RAP1GDS1: variants seen among roughly 807,000 people sequenced by gnomAD.
RAP1GDS1 encodes the protein RAP1, GTP-GDP dissociation stimulator 1.
RAP1GDS1 carries 35 observed loss-of-function variants against 71.1 expected under a neutral mutation model. The observed-to-expected ratio is 0.49, with a 90% confidence interval of 0.38 to 0.65. The LOEUF is 0.65. RAP1GDS1 is among the 30% of genes least tolerant of loss of function. The pLI, the probability that RAP1GDS1 is intolerant of heterozygous loss-of-function variation, is 0.00. For synonymous variants in RAP1GDS1, 229 were observed against 243.1 expected (o/e 0.94, Z 0.54); for missense variants, 663 against 706.1 (o/e 0.94, Z 0.69).
intron 5 of RAP1GDS1, among the ~76,000 whole-genome samples, chr4:98,384,354 GT>G (rs1742429232): frequency 6.6e-6 from 1 of 151,490 alleles, no homozygotes; most frequent in Non-Finnish European, 1.5e-5. Context: ...ACTAACTGTT[GT>G]TCTTTATTTA....
chr4:98,427,373 G>A (rs1273724887), intron 12 of RAP1GDS1, among the ~76,000 whole-genome samples: 1 of 152,100 alleles, frequency 6.6e-6, no homozygotes, highest in Non-Finnish European at 1.5e-5. Flanking sequence ...AGAGCAATCA[G>A]ACAAGAGAAA....
intron 7 of RAP1GDS1, among the ~76,000 whole-genome samples, chr4:98,412,942 G>GT (rs1747287140): frequency 6.6e-6 from 1 of 152,062 alleles, no homozygotes; most frequent in Admixed American, 6.6e-5. Context: ...CAAGGCAAAG[G>GT]GCAAAATTAG....
chr4:98,358,870 G>C (rs930666190), intron 4 of RAP1GDS1, among the ~76,000 whole-genome samples: 1 of 151,724 alleles, frequency 6.6e-6, no homozygotes, highest in Non-Finnish European at 1.5e-5. Context: ...TGGATAAAGG[G>C]TACATGAGAC....
At chr4:98,295,528 T>C (rs1727615918) in intron 2 of RAP1GDS1, among the ~76,000 whole-genome samples, 1 of 152,060 alleles carries the variant, frequency 6.6e-6, no homozygotes. Flanking sequence ...ATCTAATCTT[T>C]CCTATAGTCC....
At chr4:98,381,936 A>C (rs569698825) in intron 5 of RAP1GDS1, among the ~76,000 whole-genome samples, 1 of 151,688 alleles carries the variant, frequency 6.6e-6, no homozygotes, top group South Asian at 2.1e-4. Context: ...TGAAACTTAG[A>C]ATGTCTTGAT....
At chr4:98,384,379 T>C (rs1330433470) in intron 5 of RAP1GDS1, among the ~76,000 whole-genome samples, 1 of 151,670 alleles carries the variant, frequency 6.6e-6, no homozygotes, top group African/African-American at 2.4e-5. Flanking sequence ...TTGTTCTCTT[T>C]TTTAAAAATT....
chr4:98,377,435 T>C (rs1741324146), intron 4 of RAP1GDS1, among the ~76,000 whole-genome samples: 3 of 151,912 alleles, frequency 2.0e-5, no homozygotes, highest in African/African-American at 7.2e-5. Context: ...GGCTGGTTCA[T>C]CTAGCTAGTT....
chr4:98,296,628 TC>T (rs1727797660), intron 2 of RAP1GDS1, among the ~76,000 whole-genome samples: 1 of 152,160 alleles, frequency 6.6e-6, no homozygotes, highest in Admixed American at 6.5e-5. Flanking sequence ...AGCCAAGAAA[TC>T]AGCTTCTGTT....
intron 4 of RAP1GDS1, among the ~76,000 whole-genome samples, chr4:98,371,077 G>C (rs1034676138): frequency 6.7e-6 from 1 of 149,130 alleles, no homozygotes; most frequent in Non-Finnish European, 1.5e-5. Flanking sequence ...CTGAAGCTCT[G>C]TTTGTAGGCA....
chr4:98,392,103 AAATGT>A, intron 6 of RAP1GDS1, 23 bp downstream of exon 6: 1 of 1,591,176 alleles, frequency 6.3e-7, no homozygotes, highest in South Asian at 1.1e-5. Context: ...CATGAACCAC[AAATGT>A]AATTAACTTA....
At chr4:98,429,387 G>A (rs10003618) in intron 12 of RAP1GDS1, among the ~76,000 whole-genome samples, 22,065 of 152,080 alleles carry the variant, frequency 0.15, 2,359 homozygotes, top group African/African-American at 0.3. Context: ...CTATTATTCT[G>A]ACTCAGGGGT....
chr4:98,331,775 C>A (rs770094385), intron 2 of RAP1GDS1, among the ~76,000 whole-genome samples: 1 of 152,052 alleles, frequency 6.6e-6, no homozygotes, highest in African/African-American at 2.4e-5. Context: ...AATTCTAGGT[C>A]AAAAAATCTT....
At chr4:98,417,221 A>G (rs1578810661) in intron 8 of RAP1GDS1, 146 bp from the exon 9 acceptor site, 2 of 887,366 alleles carry the variant, frequency 2.3e-6, no homozygotes, top group Non-Finnish European at 3.4e-6. Context: ...TTAAATGTTT[A>G]TTATAAAAAG....
At chr4:98,396,911 TTG>T (rs1417744162) in intron 6 of RAP1GDS1, 2 of 152,166 alleles carry the variant, frequency 1.3e-5, no homozygotes, top group African/African-American at 4.8e-5. Context: ...AATAACAAAT[TTG>T]TGTATTTTTG....
chr4:98,439,277 A>C (rs186749548), intron 14 of RAP1GDS1, among the ~76,000 whole-genome samples: 70 of 152,288 alleles, frequency 4.6e-4, no homozygotes, highest in African/African-American at 1.6e-3. Flanking sequence ...GTTTCTGATG[A>C]GAAATCCATT....
At chr4:98,267,999 A>G (rs1176176011) in intron 1 of RAP1GDS1, among the ~76,000 whole-genome samples, 3 of 152,136 alleles carry the variant, frequency 2.0e-5, no homozygotes, top group Admixed American at 1.3e-4. Flanking sequence ...CCACAGCCTT[A>G]CAGCATCTGT....
chr4:98,339,824 G>A (rs1735229081), intron 2 of RAP1GDS1, among the ~76,000 whole-genome samples: 1 of 152,216 alleles, frequency 6.6e-6, no homozygotes, highest in Admixed American at 6.5e-5. Flanking sequence ...AGGTGGTGGT[G>A]AGGTTGCAGA....
chr4:98,443,018 T>TTTTTTTTTTTTTTTTTTTTTTC lies in RAP1GDS1; in HGVS notation c.*921_*922insTCTTTTTTTTTTTTTTTTTTTT, dbSNP rs1752075860. ...GTATAGTTCATTGAAGAATGGAATTTTTTTTTTTTTTTTTTTTTTTGCTGT... is the reference window on the plus strand; with the variant it reads ...GTATAGTTCATTGAAGAATGGAATTTTTTTTTTTTTTTTTTTTTTTTCTTTTTTTTTTTTTTTTTTTTGCTGT... On this transcript the variant is annotated 3_prime_UTR_variant, in exon 15 of 15. Coordinates refer to ENST00000408927, the MANE Select transcript of RAP1GDS1 (RefSeq NM_001100427.2). 5.4e-6 allele frequency: 1 copy of TTTTTTTTTTTTTTTTTTTTTTC among 184,206 alleles called. No individual in the cohort carries two copies. Among genetic ancestry groups the TTTTTTTTTTTTTTTTTTTTTTC allele is most frequent in the Admixed American group, 6.4e-5 (1 of 15,582 alleles). 11.4% of individuals were successfully genotyped at this position (184,206 alleles called of 1,614,324 possible). A position where few individuals can be genotyped will look rare whatever the true frequency, so the allele number is the denominator to read the frequency against.
At chr4:98,428,211 T>A (rs1749894506) in intron 12 of RAP1GDS1, among the ~76,000 whole-genome samples, 1 of 151,806 alleles carries the variant, frequency 6.6e-6, no homozygotes, top group South Asian at 2.1e-4. Context: ...TTGAGATGGA[T>A]CAAGGACTTA....
Sources: allele counts gnomAD v4.1 joint callset (sites outside exome capture counted in the v4.1 genomes callset), GRCh38; gene constraint gnomAD v4.1.1; transcripts MANE v1.5; gene names NCBI Gene and HGNC (gene_info 2026-07-23, HGNC 2026-07-21).